Variants in JAZF1 observed in about 807,000 individuals in gnomAD.
JAZF1 encodes the protein juxtaposed with another zinc finger protein 1.
In JAZF1, 8 loss-of-function variants were observed where a neutral mutation model predicts 26.4. That is an observed-to-expected ratio of 0.30 (90% CI 0.18 to 0.55). The LOEUF is 0.55. Among genes scored for constraint, JAZF1 ranks in the 20% least tolerant of loss-of-function variants. The pLI, the probability that JAZF1 is intolerant of heterozygous loss-of-function variation, is 0.94. For missense variants in JAZF1, 199 were observed against 322.0 expected, an observed-to-expected ratio of 0.62 and a Z score of 2.92; for synonymous variants, 126 against 122.3, an observed-to-expected ratio of 1.03 and a Z score of -0.20.
chr7:28,017,384 A>G (rs922580617), intron 1 of JAZF1, among the ~76,000 whole-genome samples: 1 of 150,412 alleles, frequency 6.6e-6, no homozygotes, highest in Non-Finnish European at 1.5e-5. Context: ...TATTTAACTT[A>G]GTTAATGTTT....
At chr7:28,064,019 C>A (rs1161472673) in intron 1 of JAZF1, among the ~76,000 whole-genome samples, 2 of 151,944 alleles carry the variant, frequency 1.3e-5, no homozygotes, top group Admixed American at 6.6e-5. Context: ...TCCATTTTTT[C>A]TCTTCCCAAA....
Position 27,847,467 on chromosome 7 carries a change from A to G in JAZF1, c.386-6600T>C, listed in dbSNP as rs139495569. Among the ~76,000 whole-genome samples the G allele has an allele frequency of 3.9e-5, 6 of 152,240 alleles. No individual in the cohort carries two copies. In the East Asian group the frequency reaches 1.2e-3, roughly 29 times the overall value. ...GGAGTTGATTTGTGTGTATGGTATA[A>G]GATAAGGGACCAATTTCATTCGAGT... On this transcript the variant is annotated intron_variant, in intron 3 of 4. Coordinates refer to ENST00000283928, the MANE Select transcript of JAZF1 (RefSeq NM_175061.4).
chr7:27,857,409 C>T (rs1783289264), intron 3 of JAZF1, among the ~76,000 whole-genome samples: 1 of 152,216 alleles, frequency 6.6e-6, no homozygotes, highest in South Asian at 2.1e-4. Flanking sequence ...CACCTCCCCA[C>T]AAGCTGAGGA....
intron 2 of JAZF1, among the ~76,000 whole-genome samples, chr7:27,964,364 T>G (rs1212487581): frequency 6.6e-6 from 1 of 152,194 alleles, no homozygotes; most frequent in Non-Finnish European, 1.5e-5. Flanking sequence ...GAAGGGCATG[T>G]TTCGGTGAAC....
At chr7:27,874,371 C>T (rs536559693) in intron 3 of JAZF1, among the ~76,000 whole-genome samples, 1 of 152,322 alleles carries the variant, frequency 6.6e-6, no homozygotes, top group South Asian at 2.1e-4. Flanking sequence ...TGGTTCAGCA[C>T]ACCTCTGCCC....
In JAZF1 at chr7:27,984,487, C is replaced by A. The variant is rs774651685; in HGVS notation, c.188+7422G>T. Among the ~76,000 whole-genome samples the A allele has an allele frequency of 9.9e-4, 151 of 152,236 alleles. 1 individual carries two copies. The highest frequency in any genetic ancestry group is 3.4e-3 in the Middle Eastern group (1 of 294). The stretch of plus-strand genomic sequence containing the variant: ...AGAGACCTACAAAGAGACTTAGACT[C>A]CCACACAATAATAACGGGAGACTTT... On this transcript the variant is annotated intron_variant, in intron 2 of 4. Coordinates refer to ENST00000283928, the MANE Select transcript of JAZF1 (RefSeq NM_175061.4).
chr7:28,063,283 T>G (rs141774102), intron 1 of JAZF1, among the ~76,000 whole-genome samples: 1 of 152,326 alleles, frequency 6.6e-6, no homozygotes, highest in African/African-American at 2.4e-5. Flanking sequence ...CATTTGAAAC[T>G]AAGGTATTAA....
At chr7:27,869,308 G>A (rs919999028) in intron 3 of JAZF1, among the ~76,000 whole-genome samples, 4 of 152,172 alleles carry the variant, frequency 2.6e-5, no homozygotes, top group Non-Finnish European at 5.9e-5. Flanking sequence ...ATGGAAATGC[G>A]ATGAATGACG....
At chr7:28,095,885 T>G (rs1225068361) in intron 1 of JAZF1, among the ~76,000 whole-genome samples, 6 of 152,240 alleles carry the variant, frequency 3.9e-5, no homozygotes, top group Admixed American at 1.3e-4. Flanking sequence ...TCCTGGCTCA[T>G]AGGCTGGCCC....
Position 27,864,560 on chromosome 7 carries a change from G to A in JAZF1, c.386-23693C>T, listed in dbSNP as rs140903467. On this transcript the variant is annotated intron_variant, in intron 3 of 4. Coordinates refer to ENST00000283928, the MANE Select transcript of JAZF1 (RefSeq NM_175061.4). Reference sequence around the variant, plus strand: ...GAGTCCTCTCCCTGCTGAGGGCTCCGGTCAAGCTGACTTCTCCTGGTACCT... The same window carrying A: ...GAGTCCTCTCCCTGCTGAGGGCTCCAGTCAAGCTGACTTCTCCTGGTACCT... Among the ~76,000 whole-genome samples, 853 of 152,220 alleles carry A rather than the reference G, an allele frequency of 5.6e-3. 3 individuals carry two copies. Among genetic ancestry groups the A allele is most frequent in the African/African-American group, 0.019 (807 of 41,532 alleles).
chr7:27,940,319 C>A (rs1784823544), intron 2 of JAZF1, among the ~76,000 whole-genome samples: 1 of 152,144 alleles, frequency 6.6e-6, no homozygotes, highest in Non-Finnish European at 1.5e-5. Context: ...CTCCCCGCCA[C>A]CCCCCGTGAT....
At chr7:27,972,329 G>A (rs1333363702) in intron 2 of JAZF1, among the ~76,000 whole-genome samples, 3 of 152,194 alleles carry the variant, frequency 2.0e-5, no homozygotes, top group African/African-American at 7.2e-5. Flanking sequence ...TGATTGGAGG[G>A]AGAGCATCCC....
chr7:28,138,340 C>A (rs1782915368), intron 1 of JAZF1, among the ~76,000 whole-genome samples: 1 of 152,156 alleles, frequency 6.6e-6, no homozygotes, highest in South Asian at 2.1e-4. Context: ...AGCTTCAAAT[C>A]CAACCTACTA....
At chr7:27,969,672 T>A (rs72598573) in intron 2 of JAZF1, among the ~76,000 whole-genome samples, 29,646 of 152,048 alleles carry the variant, frequency 0.19, 3,533 homozygotes, top group East Asian at 0.48. Context: ...GACAATGACA[T>A]AAAATACAAG....
intron 1 of JAZF1, among the ~76,000 whole-genome samples, chr7:28,104,741 C>A (rs1784524947): frequency 6.6e-6 from 1 of 152,198 alleles, no homozygotes; most frequent in South Asian, 2.1e-4. Context: ...CAGACCCACT[C>A]AATGTCCAAC....
At chr7:28,107,740 C>T (rs1241092794) in intron 1 of JAZF1, among the ~76,000 whole-genome samples, 1 of 152,160 alleles carries the variant, frequency 6.6e-6, no homozygotes, top group Non-Finnish European at 1.5e-5. Flanking sequence ...GGAAAGAATA[C>T]ACAGAGACAC....
chr7:27,834,045 T>A (rs1014048862), intron 4 of JAZF1, among the ~76,000 whole-genome samples: 3 of 152,204 alleles, frequency 2.0e-5, no homozygotes, highest in African/African-American at 7.2e-5. Flanking sequence ...AGCTGTTTCC[T>A]AAAATATTAC....
At chr7:28,178,008 T>C (rs1231250420) in intron 1 of JAZF1, among the ~76,000 whole-genome samples, 2 of 152,236 alleles carry the variant, frequency 1.3e-5, no homozygotes, top group Non-Finnish European at 2.9e-5. Context: ...TGTTTGTTCA[T>C]TTTAACATTT....
At chr7:28,145,218 C>G (rs2127946618) in intron 1 of JAZF1, among the ~76,000 whole-genome samples, 1 of 152,200 alleles carries the variant, frequency 6.6e-6, no homozygotes. Flanking sequence ...AGTAGAAGGA[C>G]AAAGGAAAAG....
Sources: allele counts gnomAD v4.1 joint callset (sites outside exome capture counted in the v4.1 genomes callset), GRCh38; gene constraint gnomAD v4.1.1; transcripts MANE v1.5; gene names NCBI Gene and HGNC (gene_info 2026-07-23, HGNC 2026-07-21).